Variants in SHOC1 observed in about 807,000 individuals in gnomAD.
The protein encoded by SHOC1 is protein shortage in chiasmata 1 ortholog.
A neutral mutation model predicts 179.2 loss-of-function variants in SHOC1; 136 were observed. The ratio of observed to expected loss-of-function variants is 0.76; its 90% confidence interval spans 0.66 to 0.87. SHOC1 has a LOEUF of 0.87. Among genes scored for constraint, SHOC1 ranks in the 40% least tolerant of loss-of-function variants. SHOC1 has a pLI of 0.00. For missense variants in SHOC1, 1,538 were observed against 1,700.8 expected (o/e 0.90, Z 1.68); for synonymous variants, 489 against 586.6 (o/e 0.83, Z 2.41).
intron 8 of SHOC1, among the ~76,000 whole-genome samples, chr9:111,755,270 A>G (rs906938004): frequency 2.6e-5 from 4 of 152,060 alleles, no homozygotes; most frequent in African/African-American, 9.7e-5. Context: ...GATCTACTAT[A>G]TTTGCAAGTT....
intron 2 of SHOC1, among the ~76,000 whole-genome samples, chr9:111,791,050 GC>G (rs1564173910): frequency 6.6e-6 from 1 of 152,100 alleles, no homozygotes; most frequent in African/African-American, 2.4e-5. Flanking sequence ...TGGCACTTTT[GC>G]TTTTTGATGG....
intron 3 of SHOC1, among the ~76,000 whole-genome samples, chr9:111,785,557 T>C (rs145938378): frequency 1.8e-3 from 268 of 152,336 alleles, no homozygotes; most frequent in African/African-American, 6.3e-3. Flanking sequence ...TATACATATA[T>C]GCTTAAAAAT....
chr9:111,751,012 A>AT (rs1184883905), intron 8 of SHOC1, among the ~76,000 whole-genome samples: 3 of 152,190 alleles, frequency 2.0e-5, no homozygotes, highest in Admixed American at 2.0e-4. Flanking sequence ...TCTTGAGTTA[A>AT]TTCTTGTATA....
At chr9:111,787,732 AT>A (rs1836310140) in intron 2 of SHOC1, among the ~76,000 whole-genome samples, 1 of 152,206 alleles carries the variant, frequency 6.6e-6, no homozygotes, top group South Asian at 2.1e-4. Context: ...GTTTGAGAGG[AT>A]TGAGTCTAAT....
intron 8 of SHOC1, among the ~76,000 whole-genome samples, chr9:111,751,634 T>C (rs1380641840): frequency 6.6e-6 from 1 of 152,172 alleles, no homozygotes; most frequent in Admixed American, 6.5e-5. Flanking sequence ...TAATTAAAGC[T>C]GAGATCTTGA....
chr9:111,708,095 C>T (rs1216462247), intron 18 of SHOC1, among the ~76,000 whole-genome samples, 171 bp from the exon 19 acceptor site: 1 of 151,844 alleles, frequency 6.6e-6, no homozygotes, highest in Non-Finnish European at 1.5e-5. Context: ...AAACTTTGAA[C>T]CATAACCAAT....
At chr9:111,786,815 A>T (rs1194705549) in intron 2 of SHOC1, among the ~76,000 whole-genome samples, 1 of 152,230 alleles carries the variant, frequency 6.6e-6, no homozygotes, top group Non-Finnish European at 1.5e-5. Flanking sequence ...AGAAGATGCC[A>T]ACGAGGACTT....
intron 12 of SHOC1, among the ~76,000 whole-genome samples, chr9:111,730,599 C>T (rs2131450028): frequency 6.6e-6 from 1 of 152,270 alleles, no homozygotes; most frequent in South Asian, 2.1e-4. Flanking sequence ...CAACAGTGGC[C>T]TTAAAATATT....
intron 11 of SHOC1, among the ~76,000 whole-genome samples, chr9:111,741,007 AG>A (rs763270361): frequency 2.0e-5 from 3 of 152,184 alleles, no homozygotes; most frequent in Non-Finnish European, 2.9e-5. Flanking sequence ...CTTGGGCCTC[AG>A]CCTACCGACT....
chr9:111,756,263 C>T, intron 8 of SHOC1, 62 bp downstream of exon 8: 1 of 1,355,300 alleles, frequency 7.4e-7, no homozygotes, highest in Non-Finnish European at 9.8e-7. Context: ...TAAACAAGAA[C>T]CTATGTAACA....
intron 5 of SHOC1, among the ~76,000 whole-genome samples, chr9:111,763,361 C>A (rs895345988): frequency 1.8e-4 from 28 of 151,942 alleles, no homozygotes; most frequent in African/African-American, 6.8e-4. Context: ...ACAATAGACC[C>A]ACAAAGCACA....
At chr9:111,761,652 T>C (rs1175025178) in intron 5 of SHOC1, among the ~76,000 whole-genome samples, 1 of 152,180 alleles carries the variant, frequency 6.6e-6, no homozygotes, top group Non-Finnish European at 1.5e-5. Context: ...AGGTTCAAGT[T>C]AAATATATTT....
At chr9:111,760,436 T>C (rs1835085103) in intron 5 of SHOC1, among the ~76,000 whole-genome samples, 1 of 152,104 alleles carries the variant, frequency 6.6e-6, no homozygotes, top group Admixed American at 6.6e-5. Context: ...GAATATTAAA[T>C]TGTCACCAGG....
At chr9:111,729,265 CTTTTAT>C (rs978163968) in intron 12 of SHOC1, among the ~76,000 whole-genome samples, 4 of 152,092 alleles carry the variant, frequency 2.6e-5, no homozygotes, top group Non-Finnish European at 5.9e-5. Context: ...CCATGCCAGG[CTTTTAT>C]TTTTATTTTT....
chr9:111,690,603 C>A (rs747653726), intron 27 of SHOC1, among the ~76,000 whole-genome samples: 1 of 152,116 alleles, frequency 6.6e-6, no homozygotes, highest in Non-Finnish European at 1.5e-5. Flanking sequence ...AGAGAAAACA[C>A]ATTTGATTTT....
Position 111,775,890 on chromosome 9 carries a change from C to T in SHOC1, c.343G>A (p.Val115Ile), listed in dbSNP as rs143583384. 5.3e-5 allele frequency: 86 copies of T among 1,613,572 alleles called. No individual in the cohort carries two copies. In the African/African-American group the frequency reaches 1.1e-3, roughly 20 times the overall value. ...PSSNPDSQIEVEEVSLYTHMD... is the reference protein window; with the variant it reads ...PSSNPDSQIEIEEVSLYTHMD... ...TGGGTGTATAAACTGACCTCCTCTA[C>T]TTCAATTTGGGAGTCTGGATTTGAA... is the stretch of plus-strand genomic sequence containing the variant. The change falls in exon 5 of 28, where the codon GTA becomes ATA. Residue 115 changes from valine to isoleucine, a missense_variant. Coordinates refer to ENST00000682961, the MANE Select transcript of SHOC1 (RefSeq NM_001378211.1).
chr9:111,786,489 A>G (rs1836264914), intron 2 of SHOC1, among the ~76,000 whole-genome samples: 1 of 132,244 alleles, frequency 7.6e-6, no homozygotes, highest in South Asian at 2.4e-4. Flanking sequence ...GCTTTATTCT[A>G]TTGTGCTCTG....
At chr9:111,721,015 A>G (rs1833020753) in intron 15 of SHOC1, among the ~76,000 whole-genome samples, 1 of 152,168 alleles carries the variant, frequency 6.6e-6, no homozygotes, top group African/African-American at 2.4e-5. Flanking sequence ...GTATTCTTGT[A>G]TTCATATCAA....
At chr9:111,687,139 G>T (rs997342974) in intron 27 of SHOC1, among the ~76,000 whole-genome samples, 2 of 151,646 alleles carry the variant, frequency 1.3e-5, no homozygotes, top group African/African-American at 4.8e-5. Context: ...GTAGAGACAG[G>T]GTTTTGCCAT....
Sources: gnomAD v4.1 joint callset for allele counts (sites outside exome capture counted in the v4.1 genomes callset) on GRCh38, gnomAD v4.1.1 for gene constraint, MANE v1.5 for transcripts, NCBI Gene and HGNC (gene_info 2026-07-23, HGNC 2026-07-21) for gene names.